The following SEMA5A variants were observed in gnomAD, a reference collection of about 807,000 sequenced individuals.
SEMA5A encodes semaphorin-5A.
SEMA5A carries 55 observed loss-of-function variants against 135.5 expected under a neutral mutation model. The observed-to-expected ratio is 0.41, with a 90% CI of 0.33 to 0.51. SEMA5A has a LOEUF of 0.51. SEMA5A is among the 20% of genes least tolerant of loss of function. The pLI is 0.37. For synonymous variants in SEMA5A, 580 were observed against 546.5 expected, an observed-to-expected ratio of 1.06 and a Z score of -0.85; for missense variants, 1,290 against 1,419.9, an observed-to-expected ratio of 0.91 and a Z score of 1.47.
At chr5:9,406,849 A>G in intron 2 of SEMA5A, among the ~76,000 whole-genome samples, 1 of 152,222 alleles carries the variant, frequency 6.6e-6, no homozygotes, top group East Asian at 1.9e-4. Flanking sequence ...ATAGATTTCA[A>G]ACAGGTCTTT....
At chr5:9,352,163 T>C (rs1026050036) in intron 3 of SEMA5A, among the ~76,000 whole-genome samples, 1 of 151,802 alleles carries the variant, frequency 6.6e-6, no homozygotes, top group African/African-American at 2.4e-5. Flanking sequence ...TGAAATAGTC[T>C]TCAATGCATG....
At chr5:9,479,689 C>G (rs1301009088) in intron 1 of SEMA5A, among the ~76,000 whole-genome samples, 12 of 152,162 alleles carry the variant, frequency 7.9e-5, no homozygotes, top group Admixed American at 5.9e-4. Flanking sequence ...TATTAATTCT[C>G]CCTTCATACC....
chr5:9,137,271 C>A (rs77579072), intron 12 of SEMA5A, among the ~76,000 whole-genome samples: 6 of 152,136 alleles, frequency 3.9e-5, no homozygotes, highest in Admixed American at 2.0e-4. Flanking sequence ...GTAGCTTAAA[C>A]GTATTAAAAT....
intron 3 of SEMA5A, among the ~76,000 whole-genome samples, chr5:9,343,728 G>A (rs1480869564): frequency 6.6e-6 from 1 of 152,118 alleles, no homozygotes. Flanking sequence ...TAGAAGAAGA[G>A]CACGGCAGGT....
intron 1 of SEMA5A, among the ~76,000 whole-genome samples, chr5:9,464,261 G>C (rs1182938269): frequency 6.6e-6 from 1 of 152,128 alleles, no homozygotes; most frequent in South Asian, 2.1e-4. Context: ...GAAAAGTATA[G>C]GGTAAATCTA....
chr5:9,520,681 G>C (rs558172744), intron 1 of SEMA5A, among the ~76,000 whole-genome samples: 42 of 152,336 alleles, frequency 2.8e-4, no homozygotes, highest in African/African-American at 9.4e-4. Context: ...ATATCATGAT[G>C]ATGGCGCTTT....
At chr5:9,134,184 GAAA>G (rs1741599218) in intron 13 of SEMA5A, among the ~76,000 whole-genome samples, 1 of 152,196 alleles carries the variant, frequency 6.6e-6, no homozygotes, top group Admixed American at 6.5e-5. Flanking sequence ...ATAGCAGTGT[GAAA>G]GCAGACTAAT....
intron 4 of SEMA5A, among the ~76,000 whole-genome samples, chr5:9,332,261 C>T (rs1753175835): frequency 6.7e-6 from 1 of 149,410 alleles, no homozygotes; most frequent in Non-Finnish European, 1.5e-5. Context: ...TGGGCTGGTA[C>T]ATTGGGTCAG....
chr5:9,504,479 G>A (rs435128), intron 1 of SEMA5A, among the ~76,000 whole-genome samples: 147,819 of 152,232 alleles, frequency 0.97, 72,022 homozygotes, highest in Non-Finnish European at 1. Context: ...CTTGCAGAAC[G>A]TGGATTCACA....
At chr5:9,134,222 C>T (rs564201424) in intron 13 of SEMA5A, among the ~76,000 whole-genome samples, 1 of 152,244 alleles carries the variant, frequency 6.6e-6, no homozygotes, top group Admixed American at 6.5e-5. Flanking sequence ...CTCGGTTCAC[C>T]ACAGCCTCAA....
At position 9,379,914 on chromosome 5, in the gene SEMA5A, G is replaced by A; in HGVS notation, c.33C>T (p.Phe11=). Residue 11 remains phenylalanine, a synonymous_variant, in exon 3 of 23, where the codon TTC becomes TTT. Transcript: ENST00000382496. Reference sequence around the variant, plus strand: ...CGAGTCTCCACAGCCCCAGGCTTGAGAACAGCCATGCTATAACACAGGTTC... The same window carrying A: ...CGAGTCTCCACAGCCCCAGGCTTGAAAACAGCCATGCTATAACACAGGTTC... MKGTCVIAWL[F]SSLGLWRLAH... is the part of the protein sequence containing the mutation. 1.2e-6 allele frequency: 2 copies of A among 1,613,978 alleles called. No homozygotes were observed. The highest frequency in any genetic ancestry group is 1.7e-6 in the Non-Finnish European group (2 of 1,179,954).
chr5:9,183,822 TTGTC>T, intron 11 of SEMA5A, among the ~76,000 whole-genome samples: 1 of 152,344 alleles, frequency 6.6e-6, no homozygotes, highest in South Asian at 2.1e-4. Context: ...GCAGCCAAGG[TTGTC>T]TGTTTTTGAA....
chr5:9,139,409 T>C (rs1383898981), intron 12 of SEMA5A, among the ~76,000 whole-genome samples: 1 of 152,176 alleles, frequency 6.6e-6, no homozygotes, highest in Non-Finnish European at 1.5e-5. Context: ...TTACCATATT[T>C]TTTAACTCAC....
intron 5 of SEMA5A, among the ~76,000 whole-genome samples, chr5:9,263,083 G>T (rs1052046705): frequency 6.7e-6 from 1 of 149,682 alleles, no homozygotes; most frequent in Admixed American, 6.7e-5. Flanking sequence ...ACAAAAAATC[G>T]GTTCAGAATA....
intron 2 of SEMA5A, among the ~76,000 whole-genome samples, chr5:9,418,918 T>C (rs1757372358): frequency 2.0e-5 from 3 of 152,232 alleles, no homozygotes; most frequent in Admixed American, 6.5e-5. Context: ...GGTTGATGTG[T>C]TCTTTCCTAG....
intron 3 of SEMA5A, among the ~76,000 whole-genome samples, chr5:9,358,999 G>T (rs1006951182): frequency 8.5e-5 from 13 of 152,122 alleles, no homozygotes; most frequent in African/African-American, 3.1e-4. Context: ...AAAACTCAAA[G>T]TGAAAAAGGT....
At chr5:9,394,896 A>G (rs1033961487) in intron 2 of SEMA5A, among the ~76,000 whole-genome samples, 14 of 152,194 alleles carry the variant, frequency 9.2e-5, no homozygotes, top group Non-Finnish European at 8.8e-5. Context: ...AAAAAAATAA[A>G]GTGCAGACAT....
At chr5:9,369,686 T>C (rs1002119772) in intron 3 of SEMA5A, among the ~76,000 whole-genome samples, 10 of 152,196 alleles carry the variant, frequency 6.6e-5, no homozygotes, top group Non-Finnish European at 8.8e-5. Flanking sequence ...ATCTCTGCTT[T>C]CTGTTCATTG....
chr5:9,456,146 A>G (rs1466419046), intron 1 of SEMA5A, among the ~76,000 whole-genome samples: 1 of 152,246 alleles, frequency 6.6e-6, no homozygotes, highest in African/African-American at 2.4e-5. Context: ...AAATCTTTCT[A>G]GATTCCCTGA....
Sources: allele counts gnomAD v4.1 joint callset (sites outside exome capture counted in the v4.1 genomes callset), GRCh38; gene constraint gnomAD v4.1.1; transcripts MANE v1.5; gene names NCBI Gene and HGNC (gene_info 2026-07-23, HGNC 2026-07-21).